SFT2D1: variants seen among roughly 807,000 people sequenced by gnomAD.
SFT2D1 encodes the protein vesicle transport protein SFT2A.
Under a neutral mutation model 28.1 loss-of-function variants are expected in SFT2D1, and 24 were observed. The ratio of observed to expected loss-of-function variants is 0.85; its 90% CI spans 0.62 to 1.20. The LOEUF (loss-of-function observed/expected upper bound fraction) is 1.20, where lower values mean the gene tolerates loss of function less well. Among genes scored for constraint, SFT2D1 ranks in the 50% most tolerant of loss-of-function variants. The pLI is 0.00. For missense variants in SFT2D1, 181 were observed against 190.9 expected, an observed-to-expected ratio of 0.95 and a Z score of 0.31; for synonymous variants, 82 against 73.7, an observed-to-expected ratio of 1.11 and a Z score of -0.58.
At chr6:166,322,996 G>A in intron 6 of SFT2D1, 110 bp from the exon 7 acceptor site, 1 of 852,530 alleles carries the variant, frequency 1.2e-6, no homozygotes, top group South Asian at 1.6e-5. Context: ...AGACTGTACA[G>A]TGGTTCTCAA....
chr6:166,328,434 A>T, intron 3 of SFT2D1, 77 bp from the exon 4 acceptor site: 1 of 820,322 alleles, frequency 1.2e-6, no homozygotes, highest in South Asian at 2.6e-5. Context: ...CTACTTTTTT[A>T]AAAAAGAAGC....
In SFT2D1 at chr6:166,322,862, A is replaced by G. The variant is rs1315234457; in HGVS notation, c.435T>C (p.Tyr145=). Residue 145 remains tyrosine (Y), a synonymous_variant, in exon 7 of 8, where the codon TAT becomes TAC. Transcript: ENST00000361731. ...MTWYSLSYIP[Y]ARDAVIKCCS... is the part of the protein sequence containing the mutation. The stretch of plus-strand genomic sequence containing the variant: ...CAAGATTCAAACAAGCTTACCTTGC[A>G]TATGGGATGTACGACAGGCTATACC... 4 of 1,611,494 alleles carry G rather than the reference A, an allele frequency of 2.5e-6. No homozygotes were observed.
chr6:166,329,590 C>G lies in SFT2D1; in HGVS notation c.151-1G>C. 6.2e-7 allele frequency: 1 copy of G among 1,602,148 alleles called. No individual in the cohort carries two copies. Among genetic ancestry groups the G allele is most frequent in the Non-Finnish European group, 8.5e-7 (1 of 1,172,846 alleles). ...CCGGAAGCCACAGCAATCCAGTTCCCTAAGTTAAGATATTATAGTTATTTT... is the reference window on the plus strand; with the variant it reads ...CCGGAAGCCACAGCAATCCAGTTCCGTAAGTTAAGATATTATAGTTATTTT... On this transcript the variant is annotated splice_acceptor_variant, in intron 2 of 7. Coordinates refer to ENST00000361731, the MANE Select transcript of SFT2D1 (RefSeq NM_145169.3). LOFTEE classifies it high-confidence loss of function.
chr6:166,330,053 A>G, intron 2 of SFT2D1, 108 bp downstream of exon 2: 1 of 764,278 alleles, frequency 1.3e-6, no homozygotes, highest in Non-Finnish European at 2.0e-6. Flanking sequence ...CCTTCCACCA[A>G]AATGGTCTAA....
chr6:166,339,373 C>T (rs151033564), intron 1 of SFT2D1, among the ~76,000 whole-genome samples: 3 of 152,272 alleles, frequency 2.0e-5, no homozygotes, highest in Non-Finnish European at 2.9e-5. Context: ...CAACAATTCC[C>T]TCTTGCCTGC....
chr6:166,338,452 G>A (rs1054140573), intron 1 of SFT2D1, among the ~76,000 whole-genome samples: 1 of 152,174 alleles, frequency 6.6e-6, no homozygotes, highest in African/African-American at 2.4e-5. Context: ...TAATGAGGCA[G>A]GTTCTACTAA....
chr6:166,330,187 C>T lies in SFT2D1; in HGVS notation c.124G>A (p.Val42Ile), dbSNP rs942629984. Residue 42 changes from valine (V) to isoleucine (I), a missense_variant, in exon 2 of 8, where the codon GTA becomes ATA. By Grantham distance (29) the Val-to-Ile change is conservative (BLOSUM62 3). Transcript: ENST00000361731. ...TRLKWFAICF[V>I]CGVFFSILGT... ...AGAATAGAAAAGAAAACGCCACATA[C>T]GAAGCAGATGGCAAACCATTTCAAT... The T allele has an allele frequency of 8.7e-6, 14 of 1,604,526 alleles. No individual in the cohort carries two copies. In the African/African-American group the frequency reaches 9.4e-5, roughly 11 times the overall value.
At chr6:166,332,747 A>G (rs1778574034) in intron 1 of SFT2D1, among the ~76,000 whole-genome samples, 1 of 152,246 alleles carries the variant, frequency 6.6e-6, no homozygotes, top group Non-Finnish European at 1.5e-5. Flanking sequence ...CCAAGAGAAT[A>G]CAGGCCCTTG....
intron 1 of SFT2D1, 25 bp from the exon 2 acceptor site, chr6:166,330,272 G>GTCTTAATTCACTACCAATCA: frequency 6.7e-7 from 1 of 1,500,954 alleles, no homozygotes; most frequent in South Asian, 1.2e-5. Context: ...GGAAAATTTA[G>GTCTTAATTCACTACCAATCA]AATATAGTCT....
chr6:166,338,959 C>T (rs1778718021), intron 1 of SFT2D1, among the ~76,000 whole-genome samples: 1 of 152,104 alleles, frequency 6.6e-6, no homozygotes, highest in South Asian at 2.1e-4. Context: ...CTATGACCTT[C>T]ACTGCCTCGC....
chr6:166,333,266 G>C (rs1183536259), intron 1 of SFT2D1, among the ~76,000 whole-genome samples: 1 of 152,102 alleles, frequency 6.6e-6, no homozygotes, highest in Non-Finnish European at 1.5e-5. Context: ...ACTCTTGATC[G>C]CGGGGCCTAT....
chr6:166,337,732 T>C (rs1017188255), intron 1 of SFT2D1, among the ~76,000 whole-genome samples: 9 of 152,210 alleles, frequency 5.9e-5, no homozygotes, highest in African/African-American at 1.9e-4. Context: ...GCGGTGATCT[T>C]TGAAGTGAAA....
At chr6:166,321,707 C>T (rs1464828184) in intron 7 of SFT2D1, among the ~76,000 whole-genome samples, 3 of 152,150 alleles carry the variant, frequency 2.0e-5, no homozygotes, top group Non-Finnish European at 1.5e-5. Context: ...TGTGCCTCAC[C>T]AGAATCTTTT....
chr6:166,331,415 A>G (rs1382978367), intron 1 of SFT2D1: 1 of 152,704 alleles, frequency 6.5e-6, no homozygotes, highest in Non-Finnish European at 1.5e-5. Flanking sequence ...ATCCTTATGT[A>G]GCATGAAAAG....
chr6:166,335,077 A>G, intron 1 of SFT2D1: 1 of 565,298 alleles, frequency 1.8e-6, no homozygotes. Context: ...GAAATACCAT[A>G]CTGTGAATGG....
intron 1 of SFT2D1, among the ~76,000 whole-genome samples, chr6:166,336,208 T>C (rs990986142): frequency 1.3e-5 from 2 of 152,090 alleles, no homozygotes; most frequent in Non-Finnish European, 2.9e-5. Context: ...TTGGAACTTA[T>C]TTACACTCTG....
chr6:166,327,836 T>C (rs1778476690), intron 4 of SFT2D1, among the ~76,000 whole-genome samples: 1 of 152,190 alleles, frequency 6.6e-6, no homozygotes, highest in Admixed American at 6.5e-5. Context: ...GCTTCACTCT[T>C]GTTGGCCAGT....
intron 7 of SFT2D1, among the ~76,000 whole-genome samples, chr6:166,321,293 C>A (rs559367667): frequency 6.6e-6 from 1 of 152,160 alleles, no homozygotes; most frequent in Non-Finnish European, 1.5e-5. Context: ...TAATAAAATT[C>A]TTATAGGCAA....
At chr6:166,322,689 CAAAAA>C (rs1159615099) in intron 7 of SFT2D1, among the ~76,000 whole-genome samples, 163 bp downstream of exon 7, 2 of 54,712 alleles carry the variant, frequency 3.7e-5, no homozygotes, top group Non-Finnish European at 3.8e-5. Context: ...GACTCTGTCT[CAAAAA>C]AAAAAAAAAA....
Sources: allele counts gnomAD v4.1 joint callset (sites outside exome capture counted in the v4.1 genomes callset), GRCh38; gene constraint gnomAD v4.1.1; transcripts MANE v1.5; gene names NCBI Gene and HGNC (gene_info 2026-07-23, HGNC 2026-07-21).